SLC12A1: variants seen among roughly 807,000 people sequenced by gnomAD.
The protein encoded by SLC12A1 is Na-K-2Cl cotransporter.
Under a neutral mutation model 130.4 loss-of-function variants are expected in SLC12A1, and 89 were observed. The observed-to-expected ratio is 0.68, with a 90% CI of 0.58 to 0.81. The LOEUF is 0.81. Ranked by LOEUF, SLC12A1 falls within the 40% of genes least tolerant of loss-of-function variation. SLC12A1 has a pLI of 0.00. For synonymous variants in SLC12A1, 499 were observed against 460.0 expected (o/e 1.08, Z -1.09); for missense variants, 1,310 against 1,336.4 (o/e 0.98, Z 0.31).
chr15:48,221,312 T>C, intron 4 of SLC12A1: 3 of 701,868 alleles, frequency 4.3e-6, no homozygotes, highest in Non-Finnish European at 7.8e-6. Flanking sequence ...GGGGGACATA[T>C]TGACATTTGC....
chr15:48,288,349 T>C, intron 22 of SLC12A1, 56 bp from the exon 23 acceptor site: 6 of 1,107,514 alleles, frequency 5.4e-6, no homozygotes, highest in Non-Finnish European at 7.9e-6. Flanking sequence ...TATAAAGCTA[T>C]TCATTTCCTT....
At chr15:48,302,406 G>A (rs1176410590) in intron 26 of SLC12A1, among the ~76,000 whole-genome samples, 1 of 151,452 alleles carries the variant, frequency 6.6e-6, no homozygotes, top group Non-Finnish European at 1.5e-5. Flanking sequence ...GGATCATGAG[G>A]TCAGGAGATC....
At chr15:48,291,115 A>G (rs1205236210) in intron 23 of SLC12A1, among the ~76,000 whole-genome samples, 1 of 151,914 alleles carries the variant, frequency 6.6e-6, no homozygotes, top group Non-Finnish European at 1.5e-5. Flanking sequence ...AAAGAGAGAG[A>G]AACAAAGAAA....
At chr15:48,231,764 T>C (rs2041382132) in intron 7 of SLC12A1, among the ~76,000 whole-genome samples, 1 of 152,200 alleles carries the variant, frequency 6.6e-6, no homozygotes, top group South Asian at 2.1e-4. Flanking sequence ...ATACCTGTAA[T>C]CCCAGCACTT....
At chr15:48,234,037 G>A (rs1034401734) in intron 8 of SLC12A1, among the ~76,000 whole-genome samples, 2 of 152,116 alleles carry the variant, frequency 1.3e-5, no homozygotes, top group African/African-American at 2.4e-5. Context: ...AAGCAGCTAA[G>A]ATCTAATATC....
chr15:48,291,743 T>C, intron 23 of SLC12A1, 35 bp from the exon 24 acceptor site: 1 of 1,209,556 alleles, frequency 8.3e-7, no homozygotes, highest in Non-Finnish European at 1.2e-6. Flanking sequence ...TAGTTAAATA[T>C]GCAATGATGA....
intron 26 of SLC12A1, 120 bp from the exon 27 acceptor site, chr15:48,302,626 CAAAA>C (rs35095948): frequency 8.2e-4 from 117 of 142,034 alleles, no homozygotes; most frequent in East Asian, 3.1e-3. Context: ...GACTCCGTCT[CAAAA>C]AAAAAAAAAA....
At chr15:48,234,177 G>C (rs1369940053) in intron 8 of SLC12A1, among the ~76,000 whole-genome samples, 1 of 152,152 alleles carries the variant, frequency 6.6e-6, no homozygotes, top group African/African-American at 2.4e-5. Context: ...ATTTATGCAT[G>C]TGAGAATGTA....
intron 18 of SLC12A1, among the ~76,000 whole-genome samples, chr15:48,269,289 G>C (rs1283446725): frequency 1.3e-5 from 2 of 152,112 alleles, no homozygotes; most frequent in African/African-American, 4.8e-5. Flanking sequence ...TGACATTATG[G>C]ATATAACAGG....
chr15:48,295,110 A>G (rs1198041934), intron 24 of SLC12A1, among the ~76,000 whole-genome samples: 1 of 143,616 alleles, frequency 7.0e-6, no homozygotes, highest in Non-Finnish European at 1.5e-5. Flanking sequence ...AAGTCTCACT[A>G]TGTTGCCCTG....
In SLC12A1 at chr15:48,252,072, G is replaced by A. The variant is rs539689275; in HGVS notation, c.1942+302G>A. On this transcript the variant is annotated intron_variant, in intron 15 of 26. Coordinates refer to ENST00000380993, the MANE Select transcript of SLC12A1 (RefSeq NM_000338.3). ...ACAAAAATTAGCTGGGTGTGGTGGCGGGCCCCTGTAATCTCAGCTACTCAG... is the reference window on the plus strand; with the variant it reads ...ACAAAAATTAGCTGGGTGTGGTGGCAGGCCCCTGTAATCTCAGCTACTCAG... Among the ~76,000 whole-genome samples, 10 of 152,020 alleles carry A rather than the reference G, an allele frequency of 6.6e-5. No homozygotes were observed. In the East Asian group the frequency reaches 9.7e-4, roughly 15 times the overall value.
intron 15 of SLC12A1, among the ~76,000 whole-genome samples, chr15:48,254,630 A>AAAC (rs2041684633): frequency 7.3e-6 from 1 of 136,488 alleles, no homozygotes; most frequent in Non-Finnish European, 1.5e-5. Context: ...AAAAAAAAAA[A>AAAC]CCCAAAAAAG....
chr15:48,212,084 A>G (rs751997280), intron 2 of SLC12A1, among the ~76,000 whole-genome samples: 3 of 152,190 alleles, frequency 2.0e-5, no homozygotes, highest in Non-Finnish European at 2.9e-5. Flanking sequence ...ATTAGTTTCT[A>G]TAAGTATAAA....
intron 2 of SLC12A1, among the ~76,000 whole-genome samples, chr15:48,219,031 A>C (rs1005812319): frequency 1.3e-5 from 2 of 152,226 alleles, no homozygotes; most frequent in Non-Finnish European, 2.9e-5. Flanking sequence ...ACCATATAAA[A>C]GTTTAAACCC....
Position 48,291,711 on chromosome 15 carries a change from C to A in SLC12A1, c.2874-67C>A, listed in dbSNP as rs962525643. ...ATTGCTTTTGATATCTTAACTCAAA[C>A]AAAAAACTCTTTGATTGAAAATAGT... On this transcript the variant is annotated intron_variant, in intron 23 of 26. Coordinates refer to ENST00000380993, the MANE Select transcript of SLC12A1 (RefSeq NM_000338.3). The A allele has an allele frequency of 5.7e-5, 58 of 1,010,076 alleles. 1 individual carries two copies. The African/African-American group carries it at 8.4e-4, about 15-fold the overall frequency. The allele number at this position is 1,010,076 out of a possible 1,614,324, so 62.6% of individuals were successfully genotyped here. A position where few individuals can be genotyped will look rare whatever the true frequency, so the allele number is the denominator to read the frequency against.
chr15:48,260,381 CA>C (rs2041761449), intron 17 of SLC12A1, among the ~76,000 whole-genome samples: 2 of 149,142 alleles, frequency 1.3e-5, no homozygotes, highest in Admixed American at 6.7e-5. Flanking sequence ...CACACACACA[CA>C]CCACTGAAAA....
rs565856083 is a variant in SLC12A1, at chr15:48,283,051, C to A, written c.2486-2055C>A. ...AAAATGCAACACAGTCCCTGGCACC[C>A]AAAGAGTGTGCAATAAATAGCAATT... On this transcript the variant is annotated intron_variant, in intron 20 of 26. Coordinates refer to ENST00000380993, the MANE Select transcript of SLC12A1 (RefSeq NM_000338.3). 2.0e-5 allele frequency among the ~76,000 whole-genome samples: 3 copies of A among 152,194 alleles called. No individual in the cohort carries two copies. In the South Asian group the frequency reaches 6.2e-4, roughly 32 times the overall value.
chr15:48,294,644 G>T (rs1339262955), intron 24 of SLC12A1, among the ~76,000 whole-genome samples: 1 of 152,070 alleles, frequency 6.6e-6, no homozygotes, highest in African/African-American at 2.4e-5. Flanking sequence ...ATTGCATTTT[G>T]GCATTTGCAG....
chr15:48,235,656 T>C (rs1461435187), intron 9 of SLC12A1, among the ~76,000 whole-genome samples: 2 of 151,970 alleles, frequency 1.3e-5, no homozygotes, highest in Non-Finnish European at 2.9e-5. Flanking sequence ...AAAACAAAAA[T>C]AAATAAAATG....
Sources: gnomAD v4.1 joint callset for allele counts (sites outside exome capture counted in the v4.1 genomes callset) on GRCh38, gnomAD v4.1.1 for gene constraint, MANE v1.5 for transcripts, NCBI Gene and HGNC (gene_info 2026-07-23, HGNC 2026-07-21) for gene names.